The following BCL2A1 variants were observed in gnomAD, a reference collection of about 807,000 sequenced individuals.
The protein encoded by BCL2A1 is BCL2 related protein A1, also known as bcl-2-related protein A1.
In BCL2A1, 10 loss-of-function variants were observed where a neutral mutation model predicts 14.4. That is an observed-to-expected ratio of 0.69 (90% CI 0.43 to 1.18). The LOEUF (loss-of-function observed/expected upper bound fraction) is 1.18, where lower values mean the gene tolerates loss of function less well. Among genes scored for constraint, BCL2A1 ranks in the 50% most tolerant of loss-of-function variants. BCL2A1 has a pLI of 0.00. For missense variants in BCL2A1, 158 were observed against 205.0 expected (o/e 0.77, Z 1.40); for synonymous variants, 71 against 76.5 (o/e 0.93, Z 0.38).
chr15:79,970,827 A>G lies in BCL2A1; in HGVS notation c.293T>C (p.Ile98Thr). The G allele has an allele frequency of 6.2e-7, 1 of 1,614,252 alleles. No homozygotes were observed. Residue 98 changes from isoleucine (I) to threonine (T), a missense_variant, in exon 1 of 2, where the codon ATT becomes ACT. By Grantham distance (89) the Ile-to-Thr change is moderately conservative. Coordinates refer to ENST00000267953, the MANE Select transcript of BCL2A1 (RefSeq NM_004049.4). ...RIVTIFAFEG[I>T]LIKKLLRQQI... ...CTGTCGTAGAAGTTTCTTGATGAGA[A>G]TACCTTCAAATGCAAATATGGTTAC...
Position 79,971,179 on chromosome 15 carries a change from G to T in BCL2A1, c.-60C>A. On this transcript the variant is annotated 5_prime_UTR_variant, in exon 1 of 2. Transcript: ENST00000267953. ...CTCACCTTGAAGCTGTTGAGGCAAT[G>T]TGCTGAGAATGCTCACTGAGCTTGA... is the stretch of plus-strand genomic sequence containing the variant. 6.5e-7 allele frequency: 1 copy of T among 1,537,152 alleles called. No homozygotes were observed. Among genetic ancestry groups the T allele is most frequent in the Non-Finnish European group, 8.9e-7 (1 of 1,128,040 alleles).
At chr15:79,963,245 C>T (rs2141703921) in intron 1 of BCL2A1, among the ~76,000 whole-genome samples, 1 of 152,258 alleles carries the variant, frequency 6.6e-6, no homozygotes, top group Admixed American at 6.5e-5. Flanking sequence ...GCCTCGGCCT[C>T]CCAAAGTGCT....
At chr15:79,964,086 T>G (rs1385625368) in intron 1 of BCL2A1, among the ~76,000 whole-genome samples, 2 of 152,210 alleles carry the variant, frequency 1.3e-5, no homozygotes, top group Non-Finnish European at 2.9e-5. Context: ...TTTTCTTTAA[T>G]GATGCTATTT....
chr15:79,970,261 C>T (rs2035581259), intron 1 of BCL2A1, among the ~76,000 whole-genome samples: 1 of 151,954 alleles, frequency 6.6e-6, no homozygotes, highest in Admixed American at 6.6e-5. Context: ...AAATTTACAC[C>T]TGTCTTTTGC....
chr15:79,967,508 A>G, intron 1 of BCL2A1: 1 of 1,037,332 alleles, frequency 9.6e-7, no homozygotes, highest in Non-Finnish European at 1.4e-6. Flanking sequence ...GAGCCACTGC[A>G]CCCGGCACAT....
In BCL2A1 at chr15:79,970,847, G is replaced by A. The variant is rs1328170003; in HGVS notation, c.273C>T (p.Thr91=). 6.2e-7 allele frequency: 1 copy of A among 1,614,210 alleles called. No homozygotes were observed. Among genetic ancestry groups the A allele is most frequent in the South Asian group, 1.1e-5 (1 of 91,076 alleles). Residue 91 remains threonine (T), a synonymous_variant, in exon 1 of 2, where the codon ACC becomes ACT. Coordinates refer to ENST00000267953, the MANE Select transcript of BCL2A1 (RefSeq NM_004049.4). ...DGIINWGRIV[T]IFAFEGILIK... ...TGAGAATACCTTCAAATGCAAATAT[G>A]GTTACAATTCTTCCCCAGTTAATGA... is the stretch of plus-strand genomic sequence containing the variant.
intron 1 of BCL2A1, among the ~76,000 whole-genome samples, chr15:79,965,734 C>T (rs536169447): frequency 7.2e-5 from 11 of 152,096 alleles, no homozygotes; most frequent in Non-Finnish European, 1.6e-4. Flanking sequence ...TTTAGAGTCT[C>T]AAGTAAAAAT....
chr15:79,964,330 G>A (rs764265506), intron 1 of BCL2A1, among the ~76,000 whole-genome samples: 15 of 152,082 alleles, frequency 9.9e-5, no homozygotes, highest in South Asian at 2.1e-4. Context: ...GCAGCCGGGC[G>A]CAGTGACTCA....
chr15:79,969,301 G>T (rs544000745), intron 1 of BCL2A1, among the ~76,000 whole-genome samples: 1 of 152,090 alleles, frequency 6.6e-6, no homozygotes, highest in South Asian at 2.1e-4. Context: ...ACTTTGGAGG[G>T]CAAGGACCTA....
At chr15:79,970,631 A>C (rs2035583455) in intron 1 of BCL2A1, 69 bp downstream of exon 1, 2 of 1,453,544 alleles carry the variant, frequency 1.4e-6, no homozygotes, top group Admixed American at 4.6e-5. Flanking sequence ...TGTTGTTTTA[A>C]CTAGCAAGGA....
chr15:79,970,154 T>G (rs1212540500), intron 1 of BCL2A1, among the ~76,000 whole-genome samples: 3 of 152,122 alleles, frequency 2.0e-5, no homozygotes, highest in African/African-American at 7.2e-5. Flanking sequence ...GTGTTATATA[T>G]TATATGTAAT....
At chr15:79,965,932 C>T (rs754934677) in intron 1 of BCL2A1, among the ~76,000 whole-genome samples, 15 of 146,158 alleles carry the variant, frequency 1.0e-4, no homozygotes, top group Non-Finnish European at 2.2e-4. Context: ...ATTGACCGGA[C>T]TATTATTTAG....
intron 1 of BCL2A1, among the ~76,000 whole-genome samples, chr15:79,962,110 C>T (rs576094123): frequency 6.6e-6 from 1 of 152,304 alleles, no homozygotes; most frequent in South Asian, 2.1e-4. Context: ...TTTACGTCTT[C>T]ACCTTACAGG....
intron 1 of BCL2A1, among the ~76,000 whole-genome samples, chr15:79,965,929 G>C (rs903870416): frequency 1.3e-5 from 2 of 150,228 alleles, no homozygotes; most frequent in Non-Finnish European, 1.5e-5. Context: ...CAAATTGACC[G>C]GACTATTATT....
Position 79,961,047 on chromosome 15 carries a change from A to G in BCL2A1, c.*20T>C, listed in dbSNP as rs773906919. Reference sequence around the variant, plus strand: ...TCAGAAAAATTAGGCCGGTTTCACAATATGGAGTGTCCTTTCTGGTCAACA... The same window carrying G: ...TCAGAAAAATTAGGCCGGTTTCACAGTATGGAGTGTCCTTTCTGGTCAACA... On this transcript the variant is annotated 3_prime_UTR_variant, in exon 2 of 2. Transcript: ENST00000267953. 2 of 1,613,280 alleles carry G rather than the reference A, an allele frequency of 1.2e-6. No individual in the cohort carries two copies. Among genetic ancestry groups the G allele is most frequent in the South Asian group, 2.2e-5 (2 of 91,036 alleles).
At position 79,961,602 on chromosome 15, in the gene BCL2A1, G is replaced by C. The variant is rs551367600; in HGVS notation, c.421-428C>G. Among the ~76,000 whole-genome samples the C allele has an allele frequency of 7.9e-5, 12 of 151,332 alleles. No individual in the cohort carries two copies. In the South Asian group the frequency reaches 1.5e-3, roughly 18 times the overall value. ...AGGATAGAAAGCCTTTTTTTTTCTCGTTCTTGTTCAATTGTCCAACATTGA... is the reference window on the plus strand; with the variant it reads ...AGGATAGAAAGCCTTTTTTTTTCTCCTTCTTGTTCAATTGTCCAACATTGA... On this transcript the variant is annotated intron_variant, in intron 1 of 1. Coordinates refer to ENST00000267953, the MANE Select transcript of BCL2A1 (RefSeq NM_004049.4).
chr15:79,967,666 C>A (rs2035555090), intron 1 of BCL2A1: 2 of 1,591,028 alleles, frequency 1.3e-6, no homozygotes, highest in Non-Finnish European at 1.7e-6. Flanking sequence ...ACTCTACCAG[C>A]ATAGGTGTGT....
chr15:79,961,070 A>G lies in BCL2A1; in HGVS notation c.525T>C (p.Cys175=), dbSNP rs772169816. ...CEMLSLLKQY[C] The stretch of plus-strand genomic sequence containing the variant: ...CAATATGGAGTGTCCTTTCTGGTCA[A>G]CAGTATTGCTTCAGGAGAGATAGCA... The change falls in exon 2 of 2, where the codon TGT becomes TGC. Residue 175 remains cysteine, a synonymous_variant. Transcript: ENST00000267953. 8.7e-6 allele frequency: 14 copies of G among 1,613,944 alleles called. No individual in the cohort carries two copies. Among genetic ancestry groups the G allele is most frequent in the Non-Finnish European group, 8.5e-7 (1 of 1,179,944 alleles).
chr15:79,963,474 T>C (rs771670539), intron 1 of BCL2A1, among the ~76,000 whole-genome samples: 4 of 152,172 alleles, frequency 2.6e-5, no homozygotes, highest in Non-Finnish European at 5.9e-5. Flanking sequence ...AAAACACTAA[T>C]AGCAGTTAAA....
Sources: gnomAD v4.1 joint callset for allele counts (sites outside exome capture counted in the v4.1 genomes callset) on GRCh38, gnomAD v4.1.1 for gene constraint, MANE v1.5 for transcripts, NCBI Gene and HGNC (gene_info 2026-07-23, HGNC 2026-07-21) for gene names.